IAH1: variants seen among roughly 807,000 people sequenced by gnomAD.
IAH1 encodes the protein isoamyl acetate hydrolyzing esterase 1 (putative).
A neutral mutation model predicts 26.7 loss-of-function variants in IAH1; 24 were observed. The observed-to-expected ratio is 0.90, with a 90% CI of 0.65 to 1.26. The LOEUF is 1.26. Ranked by LOEUF, IAH1 falls within the 50% of genes most tolerant of loss-of-function variation. The pLI, the probability that IAH1 is intolerant of heterozygous loss-of-function variation, is 0.00. For missense variants in IAH1, 300 were observed against 299.9 expected (o/e 1.00, Z 0.00); for synonymous variants, 140 against 118.5 (o/e 1.18, Z -1.18).
chr2:9,490,092 T>C, downstream of IAH1: 15 of 1,298,780 alleles, frequency 1.2e-5, no homozygotes, highest in Non-Finnish European at 1.6e-5. Context: ...TTCCCAGTCT[T>C]CACAAAATAC....
At chr2:9,475,905 C>G in intron 1 of IAH1, 82 bp from the exon 2 acceptor site, 1 of 1,201,756 alleles carries the variant, frequency 8.3e-7, no homozygotes, top group Non-Finnish European at 1.2e-6. Flanking sequence ...GCCGAGAAAA[C>G]AGAAGTTGCC....
intron 3 of IAH1, among the ~76,000 whole-genome samples, chr2:9,478,690 G>C (rs1487140089): frequency 6.6e-6 from 1 of 152,156 alleles, no homozygotes; most frequent in Non-Finnish European, 1.5e-5. Context: ...AGGATACCTT[G>C]TGGCTTGCAT....
chr2:9,490,807 G>T (rs536296718), downstream of IAH1, among the ~76,000 whole-genome samples: 17 of 152,308 alleles, frequency 1.1e-4, no homozygotes, highest in South Asian at 3.1e-3. Context: ...ACCTCTCAAG[G>T]TAAGATCCCA....
the IAH1 span, chr2:9,505,154 G>A: frequency 6.2e-7 from 1 of 1,614,044 alleles, no homozygotes; most frequent in Non-Finnish European, 8.5e-7. Context: ...TCCCTGTGGA[G>A]AGACTCCTCA....
At chr2:9,505,987 C>T in the IAH1 span, among the ~76,000 whole-genome samples, 1 of 152,200 alleles carries the variant, frequency 6.6e-6, no homozygotes, top group East Asian at 1.9e-4. Flanking sequence ...AGTCTCTACA[C>T]TACCTTCCCA....
chr2:9,475,165 G>T, intron 1 of IAH1: 1 of 1,288,216 alleles, frequency 7.8e-7, no homozygotes, highest in Non-Finnish European at 1.0e-6. Context: ...AGGACCATCC[G>T]TTCATCCAAG....
At position 9,488,602 on chromosome 2, in the gene IAH1, T is replaced by C; in HGVS notation, c.*273T>C. ...ACTATGTTTTTAAAAAGTCACAATT[T>C]TATAAAAATGGTTTTTCTTACATTC... On this transcript the variant is annotated 3_prime_UTR_variant, in exon 6 of 6. Transcript: ENST00000497473. 3.6e-6 allele frequency: 1 copy of C among 274,640 alleles called. No individual in the cohort carries two copies. The highest frequency in any genetic ancestry group is 6.7e-6 in the Non-Finnish European group (1 of 148,932). 17.0% of individuals were successfully genotyped at this position (274,640 alleles called of 1,614,324 possible). A position where few individuals can be genotyped will look rare whatever the true frequency, so the allele number is the denominator to read the frequency against.
chr2:9,490,154 A>G (rs1662001111), downstream of IAH1: 1 of 1,566,770 alleles, frequency 6.4e-7, no homozygotes, highest in Non-Finnish European at 8.7e-7. Context: ...TGCACACTTA[A>G]GTCAGAAGAG....
chr2:9,480,318 C>T (rs1661092924), intron 3 of IAH1, among the ~76,000 whole-genome samples: 2 of 152,086 alleles, frequency 1.3e-5, no homozygotes, highest in African/African-American at 4.8e-5. Flanking sequence ...GCCTGGGCAA[C>T]AGAGTGAGAC....
chr2:9,499,373 G>C (rs1053619311), downstream of IAH1, among the ~76,000 whole-genome samples: 4 of 151,990 alleles, frequency 2.6e-5, no homozygotes, highest in Non-Finnish European at 4.4e-5. Flanking sequence ...TTTAAAGCTT[G>C]ATTTAGATAT....
chr2:9,484,305 G>A (rs536295275), intron 4 of IAH1, 127 bp from the exon 5 acceptor site: 9 of 749,922 alleles, frequency 1.2e-5, no homozygotes, highest in East Asian at 9.9e-5. Context: ...CCTAAACCCC[G>A]GGGCTGGCCC....
intron 3 of IAH1, among the ~76,000 whole-genome samples, chr2:9,479,831 G>A (rs1164498472): frequency 1.1e-4 from 4 of 35,878 alleles, no homozygotes. Context: ...TTTTTTTTTT[G>A]ACAGTTTCAC....
chr2:9,498,734 A>G (rs952903912), downstream of IAH1, among the ~76,000 whole-genome samples: 1 of 152,198 alleles, frequency 6.6e-6, no homozygotes, highest in Non-Finnish European at 1.5e-5. Context: ...TGAAAGTATG[A>G]TGTCCAGTGA....
chr2:9,482,432 T>G lies in IAH1; in HGVS notation c.445+985T>G, dbSNP rs185246828. On this transcript the variant is annotated intron_variant, in intron 4 of 5. Transcript: ENST00000497473. The stretch of plus-strand genomic sequence containing the variant: ...AAGTGTGGTCTGACTCTGAGTTAAC[T>G]GGGATTTTTAGGTAGATTTCTGGAC... Among the ~76,000 whole-genome samples the G allele has an allele frequency of 9.2e-5, 14 of 152,298 alleles. No homozygotes were observed. The East Asian group carries it at 2.5e-3, about 27-fold the overall frequency.
At chr2:9,492,998 T>C, downstream of IAH1, 1 of 1,601,514 alleles carries the variant, frequency 6.2e-7, no homozygotes, top group Non-Finnish European at 8.5e-7. Context: ...TGTGAACAAT[T>C]CCAAACAGTT....
chr2:9,493,621 C>A, downstream of IAH1: 1 of 750,516 alleles, frequency 1.3e-6, no homozygotes, highest in South Asian at 1.9e-5. Context: ...TGTTTCATAA[C>A]TAAAGCTGTG....
the IAH1 span, chr2:9,510,123 G>A: frequency 6.2e-7 from 1 of 1,614,038 alleles, no homozygotes; most frequent in Non-Finnish European, 8.5e-7. Flanking sequence ...TTGTAACCAG[G>A]TCAGCTTCCT....
At chr2:9,484,988 G>A (rs901332903) in intron 5 of IAH1, 2 of 159,268 alleles carry the variant, frequency 1.3e-5, no homozygotes, top group Admixed American at 1.3e-4. Context: ...AAGGTAAAAA[G>A]CAGGTCCCAT....
rs1266326451 is a variant in IAH1, at chr2:9,489,210, A to C, written c.*881A>C. 6.6e-6 allele frequency: 1 copy of C among 150,446 alleles called. No individual in the cohort carries two copies. Among genetic ancestry groups the C allele is most frequent in the East Asian group, 1.9e-4 (1 of 5,194 alleles). The allele number at this position is 150,446 out of a possible 1,614,324, so 9.3% of individuals were successfully genotyped here. The stretch of plus-strand genomic sequence containing the variant: ...TCACCCTCTTATTCAATAGTGTTTG[A>C]AAACAGGCAATCTTTGTATTTTAAA... On this transcript the variant is annotated 3_prime_UTR_variant, in exon 6 of 6. Coordinates refer to ENST00000497473, the MANE Select transcript of IAH1 (RefSeq NM_001039613.3).
Sources: gnomAD v4.1 joint callset for allele counts (sites outside exome capture counted in the v4.1 genomes callset) on GRCh38, gnomAD v4.1.1 for gene constraint, MANE v1.5 for transcripts, NCBI Gene and HGNC (gene_info 2026-07-23, HGNC 2026-07-21) for gene names.